PPP2R5A: variants seen among roughly 807,000 people sequenced by gnomAD.
PPP2R5A encodes serine/threonine-protein phosphatase 2A 56 kDa regulatory subunit alpha isoform.
Under a neutral mutation model 64.2 loss-of-function variants are expected in PPP2R5A, and 25 were observed. The ratio of observed to expected loss-of-function variants is 0.39; its 90% CI spans 0.28 to 0.54. The LOEUF is 0.54. Ranked by LOEUF, PPP2R5A falls within the 20% of genes least tolerant of loss-of-function variation. The pLI, the probability that PPP2R5A is intolerant of heterozygous loss-of-function variation, is 0.67. For synonymous variants in PPP2R5A, 198 were observed against 201.2 expected, an observed-to-expected ratio of 0.98 and a Z score of 0.13; for missense variants, 425 against 576.3, an observed-to-expected ratio of 0.74 and a Z score of 2.69.
At chr1:212,315,951 T>C (rs896937982) in intron 1 of PPP2R5A, among the ~76,000 whole-genome samples, 4 of 152,238 alleles carry the variant, frequency 2.6e-5, no homozygotes, top group Admixed American at 1.3e-4. Flanking sequence ...TGGGGCATCA[T>C]GAACCATAGC....
At chr1:212,297,222 A>G (rs377451107) in intron 1 of PPP2R5A, among the ~76,000 whole-genome samples, 13 of 146,780 alleles carry the variant, frequency 8.9e-5, no homozygotes, top group African/African-American at 2.8e-4. Context: ...CCTGGGTCCA[A>G]GTGATTCTCC....
chr1:212,347,330 CTT>C lies in PPP2R5A; in HGVS notation c.705-15_705-14del, dbSNP rs527416779. Reference sequence around the variant, plus strand: ...AAGTTTGATTTTGATTACATCTTGTCTTTATTTTAAATTCAGGTTTATATATG... The same window carrying C: ...AAGTTTGATTTTGATTACATCTTGTCTATTTTAAATTCAGGTTTATATATG... On this transcript the variant is annotated splice_polypyrimidine_tract_variant and intron_variant, in intron 5 of 12. Transcript: ENST00000261461. The C allele has an allele frequency of 8.4e-4, 1,277 of 1,524,790 alleles. 17 individuals carry two copies. In the South Asian group the frequency reaches 0.014, roughly 16 times the overall value. The allele number at this position is 1,524,790 out of a possible 1,614,324, so 94.5% of individuals were successfully genotyped here. A position where few individuals can be genotyped will look rare whatever the true frequency, so the allele number is the denominator to read the frequency against.
chr1:212,351,964 TTC>T (rs1209207586), intron 8 of PPP2R5A, among the ~76,000 whole-genome samples: 13 of 142,378 alleles, frequency 9.1e-5, no homozygotes, highest in Admixed American at 8.4e-4. Flanking sequence ...TTTTTTATTT[TTC>T]TTTTTTATTT....
intron 1 of PPP2R5A, among the ~76,000 whole-genome samples, chr1:212,288,954 C>T (rs960837314): frequency 6.6e-6 from 1 of 152,162 alleles, no homozygotes; most frequent in Non-Finnish European, 1.5e-5. Flanking sequence ...AATAATCCAG[C>T]CTTTTCACCT....
At chr1:212,353,186 T>C (rs1192891747) in intron 8 of PPP2R5A, among the ~76,000 whole-genome samples, 4 of 152,240 alleles carry the variant, frequency 2.6e-5, no homozygotes, top group Non-Finnish European at 5.9e-5. Flanking sequence ...CCTCAGTTCC[T>C]GGCTGGCTGT....
chr1:212,343,800 C>G (rs935500042), intron 4 of PPP2R5A, among the ~76,000 whole-genome samples: 7 of 152,068 alleles, frequency 4.6e-5, no homozygotes, highest in Non-Finnish European at 1.0e-4. Context: ...AATACAGTAA[C>G]AGGTTGAGGG....
chr1:212,355,836 G>T (rs1659967921), intron 8 of PPP2R5A, among the ~76,000 whole-genome samples: 1 of 152,088 alleles, frequency 6.6e-6, no homozygotes, highest in Non-Finnish European at 1.5e-5. Flanking sequence ...GGGAGGCCGA[G>T]GCTGGTGGAT....
At chr1:212,297,510 T>A (rs1658719791) in intron 1 of PPP2R5A, 1 of 152,182 alleles carries the variant, frequency 6.6e-6, no homozygotes, top group Admixed American at 6.5e-5. Flanking sequence ...TAGACTATAG[T>A]CTTTAATCTA....
intron 1 of PPP2R5A, among the ~76,000 whole-genome samples, chr1:212,293,686 A>G (rs1232341508): frequency 6.6e-6 from 1 of 151,916 alleles, no homozygotes; most frequent in Non-Finnish European, 1.5e-5. Context: ...CTGAAGAAAC[A>G]TACTGGAATT....
At chr1:212,333,084 A>G (rs1385298639) in intron 2 of PPP2R5A, among the ~76,000 whole-genome samples, 1 of 151,686 alleles carries the variant, frequency 6.6e-6, no homozygotes, top group Non-Finnish European at 1.5e-5. Flanking sequence ...GTGTTTTTGT[A>G]GAGATTGGGG....
At chr1:212,296,082 A>C (rs983726747) in intron 1 of PPP2R5A, among the ~76,000 whole-genome samples, 1 of 152,092 alleles carries the variant, frequency 6.6e-6, no homozygotes, top group African/African-American at 2.4e-5. Context: ...TTTGAGATAT[A>C]TCTTAGATAG....
At chr1:212,333,659 G>A (rs1659545684) in intron 3 of PPP2R5A, 61 bp downstream of exon 3, 1 of 968,504 alleles carries the variant, frequency 1.0e-6, no homozygotes, top group Non-Finnish European at 1.4e-6. Flanking sequence ...AGAAATCATG[G>A]TTTTCTCATT....
At chr1:212,289,026 G>A (rs1448278088) in intron 1 of PPP2R5A, among the ~76,000 whole-genome samples, 1 of 152,186 alleles carries the variant, frequency 6.6e-6, no homozygotes, top group African/African-American at 2.4e-5. Context: ...TGGCAAAAAT[G>A]TTCAGAATAA....
intron 1 of PPP2R5A, among the ~76,000 whole-genome samples, chr1:212,286,718 G>A (rs1490034127): frequency 1.3e-5 from 2 of 152,128 alleles, no homozygotes; most frequent in African/African-American, 4.8e-5. Context: ...CTTTTAGCTA[G>A]TCCTTTACTT....
At chr1:212,339,087 A>G (rs1013122790) in intron 3 of PPP2R5A, among the ~76,000 whole-genome samples, 5 of 152,232 alleles carry the variant, frequency 3.3e-5, no homozygotes, top group African/African-American at 1.2e-4. Flanking sequence ...TTATAGAAGC[A>G]TAATCTCAAT....
At chr1:212,340,195 A>G (rs115127027) in intron 3 of PPP2R5A, among the ~76,000 whole-genome samples, 1,802 of 152,246 alleles carry the variant, frequency 0.012, 36 homozygotes, top group African/African-American at 0.041. Flanking sequence ...AATAAAAGCC[A>G]TCCTCTTCCT....
At chr1:212,296,586 G>A (rs1482153169) in intron 1 of PPP2R5A, among the ~76,000 whole-genome samples, 1 of 152,176 alleles carries the variant, frequency 6.6e-6, no homozygotes, top group South Asian at 2.1e-4. Context: ...ATTGTTATGT[G>A]CATGAAGGAG....
rs572617506 is a variant in PPP2R5A, at chr1:212,290,435, A to G, written c.181+4144A>G. On this transcript the variant is annotated intron_variant, in intron 1 of 12. Transcript: ENST00000261461. ...GAGTTCAAATTCATCTGAAGATGTT[A>G]AGAAAATTGTTTACAAAAGGAAATA... Among the ~76,000 whole-genome samples the G allele has an allele frequency of 6.3e-4, 96 of 152,318 alleles. 1 individual carries two copies. The highest frequency in any genetic ancestry group is 2.1e-3 in the African/African-American group (88 of 41,572).
chr1:212,351,558 A>G (rs1289985107), intron 8 of PPP2R5A, among the ~76,000 whole-genome samples: 1 of 152,064 alleles, frequency 6.6e-6, no homozygotes, highest in Non-Finnish European at 1.5e-5. Context: ...TACTAAAAAT[A>G]CAAAAATTAG....
Sources: gnomAD v4.1 joint callset for allele counts (sites outside exome capture counted in the v4.1 genomes callset) on GRCh38, gnomAD v4.1.1 for gene constraint, MANE v1.5 for transcripts, NCBI Gene and HGNC (gene_info 2026-07-23, HGNC 2026-07-21) for gene names.